Variants in SGSM1 observed in about 807,000 individuals in gnomAD.
The protein encoded by SGSM1 is small G protein signaling modulator 1.
In SGSM1, 73 loss-of-function variants were observed where a neutral mutation model predicts 133.8. The ratio of observed to expected loss-of-function variants is 0.55; its 90% CI spans 0.45 to 0.66. The LOEUF (loss-of-function observed/expected upper bound fraction) is 0.66, where lower values mean the gene tolerates loss of function less well. Ranked by LOEUF, SGSM1 falls within the 30% of genes least tolerant of loss-of-function variation. SGSM1 has a pLI of 0.00. For missense variants in SGSM1, 1,213 were observed against 1,448.1 expected (o/e 0.84, Z 2.64); for synonymous variants, 563 against 573.0 (o/e 0.98, Z 0.25).
At chr22:24,868,338 A>G (rs1452166745) in intron 10 of SGSM1, 38 bp from the exon 11 acceptor site, 33 of 1,585,500 alleles carry the variant, frequency 2.1e-5, no homozygotes, top group Non-Finnish European at 2.7e-5. Flanking sequence ...CCTCATAGTG[A>G]CTTCCACTGG....
chr22:24,909,862 A>G lies in SGSM1; in HGVS notation c.2819-2781A>G, dbSNP rs184134538. On this transcript the variant is annotated intron_variant, in intron 21 of 24. Coordinates refer to ENST00000400358, the MANE Select transcript of SGSM1 (RefSeq NM_001098497.3). ...CGTAGATATATGCCTAAGAGAATTG[A>G]AAATATATGTGCATACAAATACCTG... 3.6e-3 allele frequency among the ~76,000 whole-genome samples: 543 copies of G among 152,348 alleles called. 4 individuals carry two copies. Among genetic ancestry groups the G allele is most frequent in the African/African-American group, 0.013 (525 of 41,588 alleles).
intron 3 of SGSM1, among the ~76,000 whole-genome samples, chr22:24,845,956 TC>T (rs1419664869): frequency 8.8e-5 from 8 of 91,188 alleles, no homozygotes; most frequent in Non-Finnish European, 1.5e-4. Flanking sequence ...TTTCTTTCTT[TC>T]TTTCTTTCTT....
intron 12 of SGSM1, chr22:24,874,729 T>G (rs1931945720): frequency 9.3e-7 from 1 of 1,073,104 alleles, no homozygotes. Flanking sequence ...GCCTCCACTC[T>G]ATGGAAGGCA....
At position 24,900,461 on chromosome 22, in the gene SGSM1, G is replaced by A. The variant is rs866285090; in HGVS notation, c.2611-1372G>A. ...GTTGCCCAGGCTGGAGTGCAATGGC[G>A]TGATCTCGACTCACCGCAACCTCCG... On this transcript the variant is annotated intron_variant, in intron 19 of 24. Transcript: ENST00000400358. Among the ~76,000 whole-genome samples, 167 of 150,568 alleles carry A rather than the reference G, an allele frequency of 1.1e-3. 2 individuals are homozygous for A. Among genetic ancestry groups the A allele is most frequent in the African/African-American group, 3.7e-3 (149 of 40,598 alleles).
chr22:24,870,149 T>C (rs993365211), intron 12 of SGSM1, among the ~76,000 whole-genome samples: 2 of 152,240 alleles, frequency 1.3e-5, no homozygotes, highest in African/African-American at 4.8e-5. Flanking sequence ...TGTCCTGAAG[T>C]GTTCATGACC....
At chr22:24,878,070 C>G (rs1481803689) in intron 13 of SGSM1, among the ~76,000 whole-genome samples, 2 of 152,098 alleles carry the variant, frequency 1.3e-5, no homozygotes, top group Non-Finnish European at 2.9e-5. Flanking sequence ...CTTGGCCTCC[C>G]AAAGTGCTGG....
intron 2 of SGSM1, among the ~76,000 whole-genome samples, chr22:24,841,523 G>A (rs556435723): frequency 1.3e-5 from 2 of 152,270 alleles, no homozygotes; most frequent in South Asian, 4.1e-4. Flanking sequence ...TTGATATTCT[G>A]TCTGGTTGTT....
intron 2 of SGSM1, among the ~76,000 whole-genome samples, chr22:24,808,261 C>T (rs1447291858): frequency 4.6e-5 from 7 of 152,040 alleles, no homozygotes; most frequent in Admixed American, 4.6e-4. Context: ...CTACAGGAGC[C>T]ACCATGTCCG....
At chr22:24,862,668 A>C (rs1182434507) in intron 9 of SGSM1, among the ~76,000 whole-genome samples, 1 of 152,224 alleles carries the variant, frequency 6.6e-6, no homozygotes, top group East Asian at 1.9e-4. Context: ...AGGGAGACAG[A>C]TGCAAGGAAA....
rs1344785038 is a variant in SGSM1, at chr22:24,898,533, G to A, written c.2584G>A (p.Val862Met). 4 of 1,610,254 alleles carry A rather than the reference G, an allele frequency of 2.5e-6. No individual in the cohort carries two copies. The highest frequency in any genetic ancestry group is 3.4e-6 in the Non-Finnish European group (4 of 1,177,856). ...TACTTCTGCCAACGAGGTGTCCCCT[G>A]TGTCTTCCAGCGGCGTCACCTACTC... ...VTTSANEVSPVSSSGVTYSPE... is the reference protein window; with the variant it reads ...VTTSANEVSPMSSSGVTYSPE... The change falls in exon 19 of 25, where the codon GTG becomes ATG. Residue 862 changes from valine (V) to methionine (M), a missense_variant. By Grantham distance (21) the Val-to-Met change is conservative (BLOSUM62 1). Coordinates refer to ENST00000400358, the MANE Select transcript of SGSM1 (RefSeq NM_001098497.3).
intron 14 of SGSM1, among the ~76,000 whole-genome samples, chr22:24,882,928 C>T (rs1016122649): frequency 3.3e-5 from 5 of 149,642 alleles, no homozygotes; most frequent in Admixed American, 6.7e-5. Context: ...GACAGAGTCT[C>T]GCTCTGTCGC....
chr22:24,882,890 C>CTTTTTT (rs200855567), intron 14 of SGSM1, among the ~76,000 whole-genome samples: 1 of 146,360 alleles, frequency 6.8e-6, no homozygotes. Flanking sequence ...ACCACGGTTT[C>CTTTTTT]TTTTTTTTTT....
intron 2 of SGSM1, among the ~76,000 whole-genome samples, chr22:24,810,823 C>G (rs1927691167): frequency 6.6e-6 from 1 of 152,074 alleles, no homozygotes. Flanking sequence ...AACTGAGCCT[C>G]CCAGCCTCTG....
rs762450204 is a variant in SGSM1, at chr22:24,895,302, G to A, written c.2022+11G>A. ...AGCAGCAGCACACAGGTGACCTTGT[G>A]GAGGCCTCGCCCCCTCCCACCCACT... is the stretch of plus-strand genomic sequence containing the variant. On this transcript the variant is annotated intron_variant, in intron 18 of 24. Transcript: ENST00000400358. The A allele has an allele frequency of 6.2e-7, 1 of 1,607,780 alleles. No individual in the cohort carries two copies. Among genetic ancestry groups the A allele is most frequent in the Non-Finnish European group, 8.5e-7 (1 of 1,177,278 alleles).
chr22:24,879,484 G>A lies in SGSM1; in HGVS notation c.1453G>A (p.Asp485Asn), dbSNP rs376756508. 1.9e-6 allele frequency: 3 copies of A among 1,613,670 alleles called. No homozygotes were observed. Among genetic ancestry groups the A allele is most frequent in the African/African-American group, 1.3e-5 (1 of 74,910 alleles). ...HERAPLKLLCDNMKYQILSRA... is the reference protein window; with the variant it reads ...HERAPLKLLCNNMKYQILSRA... ...CAGGGCTCCCCTGAAACTTCTCTGT[G>A]ACAATATGAAGTACCAGATCCTCTC... Residue 485 changes from aspartate (D) to asparagine (N), a missense_variant, in exon 14 of 25, where the codon GAC (aspartate) becomes AAC (asparagine). Transcript: ENST00000400358.
chr22:24,892,566 G>A (rs568520344), intron 16 of SGSM1, among the ~76,000 whole-genome samples: 2 of 152,228 alleles, frequency 1.3e-5, no homozygotes, highest in Non-Finnish European at 2.9e-5. Context: ...GGGGTACATG[G>A]GAGGCCCTCA....
intron 2 of SGSM1, among the ~76,000 whole-genome samples, chr22:24,824,481 A>C (rs1928681549): frequency 6.6e-6 from 1 of 151,262 alleles, no homozygotes. Context: ...TCCTGTCCCC[A>C]CCCCATCACC....
chr22:24,872,202 T>C (rs1230200191), intron 12 of SGSM1, among the ~76,000 whole-genome samples: 2 of 152,234 alleles, frequency 1.3e-5, no homozygotes, highest in African/African-American at 2.4e-5. Flanking sequence ...AGGGGAGATA[T>C]GACCACAGAT....
chr22:24,920,184 C>CAA (rs1425861730), intron 24 of SGSM1, among the ~76,000 whole-genome samples, 191 bp downstream of exon 24: 1 of 152,092 alleles, frequency 6.6e-6, no homozygotes, highest in Non-Finnish European at 1.5e-5. Flanking sequence ...GCATTTTTCT[C>CAA]AGGGATCTGG....
Sources: gnomAD v4.1 joint callset for allele counts (sites outside exome capture counted in the v4.1 genomes callset) on GRCh38, gnomAD v4.1.1 for gene constraint, MANE v1.5 for transcripts, NCBI Gene and HGNC (gene_info 2026-07-23, HGNC 2026-07-21) for gene names.